BTRC: variants seen among roughly 807,000 people sequenced by gnomAD.
BTRC encodes F-box/WD repeat-containing protein 1A.
Under a neutral mutation model 85.5 loss-of-function variants are expected in BTRC, and 42 were observed. The ratio of observed to expected loss-of-function variants is 0.49; its 90% CI spans 0.38 to 0.64. The LOEUF (loss-of-function observed/expected upper bound fraction) is 0.64. Ranked by LOEUF, BTRC falls within the 30% of genes least tolerant of loss-of-function variation. BTRC has a pLI of 0.00. For synonymous variants in BTRC, 255 were observed against 263.3 expected (o/e 0.97, Z 0.30); for missense variants, 594 against 743.5 (o/e 0.80, Z 2.34).
intron 1 of BTRC, among the ~76,000 whole-genome samples, chr10:101,366,830 T>A (rs11190964): frequency 0.041 from 1,830 of 45,038 alleles, 150 homozygotes; most frequent in East Asian, 0.2. Context: ...TAATATATAT[T>A]TATATATATT....
At chr10:101,548,607 C>A (rs925999089) in intron 13 of BTRC, among the ~76,000 whole-genome samples, 7 of 152,042 alleles carry the variant, frequency 4.6e-5, no homozygotes, top group Non-Finnish European at 1.0e-4. Flanking sequence ...AAAAAATTAG[C>A]CAAGCATGGC....
chr10:101,354,520 G>A (rs567759260), intron 1 of BTRC: 6 of 453,330 alleles, frequency 1.3e-5, no homozygotes, highest in Non-Finnish European at 2.3e-5. Flanking sequence ...AGGGAAAGGG[G>A]CGTGGGGACT....
chr10:101,386,605 A>G (rs996386169), intron 1 of BTRC, among the ~76,000 whole-genome samples: 2 of 152,232 alleles, frequency 1.3e-5, no homozygotes, highest in African/African-American at 2.4e-5. Context: ...GATAAAAAGT[A>G]TTGTGGAATA....
At chr10:101,498,375 G>A (rs915339227) in intron 4 of BTRC, among the ~76,000 whole-genome samples, 3 of 151,894 alleles carry the variant, frequency 2.0e-5, no homozygotes, top group Non-Finnish European at 2.9e-5. Context: ...GGCTGGTCTC[G>A]AACTCCTGAA....
intron 4 of BTRC, among the ~76,000 whole-genome samples, chr10:101,505,161 A>G (rs1414060279): frequency 8.5e-4 from 121 of 142,094 alleles, no homozygotes; most frequent in African/African-American, 2.8e-3. Context: ...GTATATGTAT[A>G]TATATATATA....
intron 2 of BTRC, chr10:101,453,469 A>G (rs1211069256): frequency 6.6e-6 from 1 of 152,136 alleles, no homozygotes; most frequent in Admixed American, 6.6e-5. Flanking sequence ...GGAGCTGGTT[A>G]TTTTATTTAT....
chr10:101,521,607 C>T (rs763861221), intron 4 of BTRC, 32 bp from the exon 5 acceptor site: 1 of 1,467,892 alleles, frequency 6.8e-7, no homozygotes, highest in Non-Finnish European at 9.4e-7. Flanking sequence ...CAATACTAAT[C>T]ATTTTATGTT....
chr10:101,536,116 A>G (rs1189402642), intron 11 of BTRC, among the ~76,000 whole-genome samples: 1 of 152,226 alleles, frequency 6.6e-6, no homozygotes, highest in Admixed American at 6.5e-5. Flanking sequence ...GCTGTCCTGG[A>G]CAGTGGTGAA....
In BTRC at chr10:101,534,884, T is replaced by G. The variant is rs771407321; in HGVS notation, c.1321T>G (p.Ser441Ala). The G allele has an allele frequency of 6.2e-7, 1 of 1,614,140 alleles. No homozygotes were observed. The highest frequency in any genetic ancestry group is 1.7e-5 in the Admixed American group (1 of 60,026). The change falls in exon 10 of 15, where the codon TCT becomes GCT. Residue 441 changes from serine to alanine, a missense_variant. By Grantham distance (99) the Ser-to-Ala change is moderately conservative (BLOSUM62 1). Coordinates refer to ENST00000370187, the MANE Select transcript of BTRC (RefSeq NM_033637.4). The part of the protein sequence containing the change: ...VVDFDDKYIV[S>A]ASGDRTIKVW... The stretch of plus-strand genomic sequence containing the variant: ...AGACTTTGATGACAAGTACATTGTT[T>G]CTGCATCTGGGGATAGAACTATAAA...
At chr10:101,453,542 T>C (rs1945001745) in intron 2 of BTRC, 1 of 152,238 alleles carries the variant, frequency 6.6e-6, no homozygotes. Flanking sequence ...GCAAGATGCT[T>C]ACTCAAAGAT....
chr10:101,472,746 C>T (rs1051436124), intron 3 of BTRC, among the ~76,000 whole-genome samples: 5 of 152,102 alleles, frequency 3.3e-5, no homozygotes, highest in African/African-American at 1.2e-4. Context: ...ACCCGGGAGA[C>T]GGAGGTTGCG....
At chr10:101,366,950 A>ATATATTAT (rs1942447375) in intron 1 of BTRC, among the ~76,000 whole-genome samples, 1 of 40,586 alleles carries the variant, frequency 2.5e-5, no homozygotes, top group African/African-American at 6.8e-5. Context: ...ATATATATTT[A>ATATATTAT]TATATATATT....
intron 4 of BTRC, among the ~76,000 whole-genome samples, chr10:101,494,010 C>G (rs1241324715): frequency 2.6e-5 from 4 of 152,192 alleles, no homozygotes; most frequent in Non-Finnish European, 5.9e-5. Flanking sequence ...ACAGCTCCCA[C>G]CAGATACTCA....
At chr10:101,401,962 C>T (rs1943504326) in intron 1 of BTRC, among the ~76,000 whole-genome samples, 2 of 151,940 alleles carry the variant, frequency 1.3e-5, no homozygotes, top group Admixed American at 6.6e-5. Context: ...TTGTCTTATG[C>T]TCTGGAGTTC....
At chr10:101,484,730 A>T (rs1589533875) in intron 4 of BTRC, among the ~76,000 whole-genome samples, 1 of 152,222 alleles carries the variant, frequency 6.6e-6, no homozygotes, top group South Asian at 2.1e-4. Flanking sequence ...ATTGAGGCTG[A>T]TGTGGTTGGA....
intron 1 of BTRC, among the ~76,000 whole-genome samples, chr10:101,413,535 A>G (rs954110415): frequency 6.6e-6 from 1 of 152,162 alleles, no homozygotes; most frequent in Non-Finnish European, 1.5e-5. Context: ...GCTGGTCTCA[A>G]ACACCTGGCC....
intron 9 of BTRC, among the ~76,000 whole-genome samples, chr10:101,533,622 A>G (rs1176636253): frequency 6.6e-6 from 1 of 152,198 alleles, no homozygotes; most frequent in African/African-American, 2.4e-5. Flanking sequence ...TCTGGGTACC[A>G]GCAGCACTGC....
At chr10:101,541,233 A>G (rs2062461188) in intron 13 of BTRC, among the ~76,000 whole-genome samples, 1 of 151,168 alleles carries the variant, frequency 6.6e-6, no homozygotes, top group Admixed American at 6.6e-5. Flanking sequence ...ATATGTGTAT[A>G]TATAGATGTA....
At chr10:101,476,410 A>G (rs1185406340) in intron 3 of BTRC, among the ~76,000 whole-genome samples, 1 of 152,186 alleles carries the variant, frequency 6.6e-6, no homozygotes, top group Non-Finnish European at 1.5e-5. Context: ...TTCTGTAATT[A>G]TGTAAGATAT....
Sources: gnomAD v4.1 joint callset for allele counts (sites outside exome capture counted in the v4.1 genomes callset) on GRCh38, gnomAD v4.1.1 for gene constraint, MANE v1.5 for transcripts, NCBI Gene and HGNC (gene_info 2026-07-23, HGNC 2026-07-21) for gene names.